The following HOXC6 variants were observed in gnomAD, a reference collection of about 807,000 sequenced individuals.
HOXC6 encodes the protein homeobox protein Hox-C6.
HOXC6 carries 10 observed loss-of-function variants against 24.0 expected under a neutral mutation model. The observed-to-expected ratio is 0.42, with a 90% CI of 0.26 to 0.71. HOXC6 has a LOEUF of 0.71. Among genes scored for constraint, HOXC6 ranks in the 30% least tolerant of loss-of-function variants. The pLI, the probability that HOXC6 is intolerant of heterozygous loss-of-function variation, is 0.28. For missense variants in HOXC6, 258 were observed against 303.4 expected, an observed-to-expected ratio of 0.85 and a Z score of 1.11; for synonymous variants, 123 against 128.1, an observed-to-expected ratio of 0.96 and a Z score of 0.27.
At chr12:54,024,210 C>A (rs541104824), upstream of HOXC6, among the ~76,000 whole-genome samples, 3 of 152,136 alleles carry the variant, frequency 2.0e-5, no homozygotes, top group South Asian at 6.2e-4. Context: ...GGCAACCGTT[C>A]TTCTCTTGCT....
At chr12:54,025,931 G>T (rs1163700798), upstream of HOXC6, among the ~76,000 whole-genome samples, 1 of 151,886 alleles carries the variant, frequency 6.6e-6, no homozygotes, top group East Asian at 1.9e-4. Flanking sequence ...TTCTTCCAAG[G>T]TCCTTCCCTC....
upstream of HOXC6, among the ~76,000 whole-genome samples, chr12:54,025,407 C>T (rs1314961396): frequency 1.3e-5 from 2 of 151,828 alleles, no homozygotes; most frequent in Non-Finnish European, 2.9e-5. Context: ...TAGGGAAGAT[C>T]GGGCTCATCT....
At chr12:54,029,608 G>A in intron 1 of HOXC6, 47 bp from the exon 2 acceptor site, 1 of 1,578,016 alleles carries the variant, frequency 6.3e-7, no homozygotes, top group Non-Finnish European at 8.6e-7. Flanking sequence ...GTCTGCAGAG[G>A]ACGCTTTGCT....
At chr12:54,022,408 T>G (rs1180944125) in intron 1 of HOXC6, 1 of 152,190 alleles carries the variant, frequency 6.6e-6, no homozygotes, top group African/African-American at 2.4e-5. Flanking sequence ...TAGAGTCAGA[T>G]AGTTGGCTTT....
At position 54,028,720 on chromosome 12, in the gene HOXC6, C is replaced by G. The variant is rs144307645; in HGVS notation, c.199C>G (p.Arg67Gly). ...PQENVVFSSS[R>G]GPYDYGSNSF... ...GGAGAATGTCGTGTTCAGTTCCAGCCGGGGGCCGTATGACTATGGATCTAA... is the reference window on the plus strand; with the variant it reads ...GGAGAATGTCGTGTTCAGTTCCAGCGGGGGGCCGTATGACTATGGATCTAA... Residue 67 changes from arginine to glycine, a missense_variant, in exon 1 of 2, where the codon CGG (arginine) becomes GGG (glycine). Arg to Gly is a moderately radical substitution (Grantham distance 125). Transcript: ENST00000243108. 1 of 1,614,132 alleles carries G rather than the reference C, an allele frequency of 6.2e-7. No individual in the cohort carries two copies. Among genetic ancestry groups the G allele is most frequent in the Admixed American group, 1.7e-5 (1 of 60,022 alleles).
chr12:54,025,136 G>A (rs754133), upstream of HOXC6, among the ~76,000 whole-genome samples: 44,592 of 151,988 alleles, frequency 0.29, 7,373 homozygotes, highest in East Asian at 0.44. Context: ...CTTTAGGCTC[G>A]TTTTATAGAA....
In HOXC6 at chr12:54,029,951, CAGAA is replaced by C. The variant is rs2136439860; in HGVS notation, c.701_704del (p.Lys234SerfsTer34). ...GCGGGAAGAGACAGAAGAGGAGAAG[CAGAA>C]AGAGTGACCAGGACTGTCCCTGCCA... On this transcript the variant is annotated frameshift_variant, in exon 2 of 2. Coordinates refer to ENST00000243108, the MANE Select transcript of HOXC6 (RefSeq NM_004503.4). LOFTEE classifies it high-confidence loss of function. 1.3e-6 allele frequency: 2 copies of C among 1,578,014 alleles called. No homozygotes were observed. The highest frequency in any genetic ancestry group is 1.7e-6 in the Non-Finnish European group (2 of 1,161,176).
chr12:54,021,144 G>A (rs1209502331), intron 1 of HOXC6: 1 of 152,552 alleles, frequency 6.6e-6, no homozygotes, highest in Non-Finnish European at 1.5e-5. Context: ...GAAAAGGCAA[G>A]CCAAAAGGGG....
intron 1 of HOXC6, chr12:54,020,606 T>C (rs1471634818): frequency 1.3e-5 from 2 of 152,164 alleles, no homozygotes; most frequent in Non-Finnish European, 2.9e-5. Flanking sequence ...GACTCATATT[T>C]CCTTGGTGGT....
Position 54,029,722 on chromosome 12 carries a change from G to A in HOXC6, c.468G>A (p.Leu156=), listed in dbSNP as rs958915325. The change falls in exon 2 of 2, where the codon CTG becomes CTA. Residue 156 remains leucine (L), a synonymous_variant. Transcript: ENST00000243108. ...QIYSRYQTLE[L]EKEFHFNRYL... ...ACTCGCGGTACCAGACCCTGGAACTGGAGAAGGAATTTCACTTCAATCGCT... is the reference window on the plus strand; with the variant it reads ...ACTCGCGGTACCAGACCCTGGAACTAGAGAAGGAATTTCACTTCAATCGCT... The A allele has an allele frequency of 1.2e-6, 2 of 1,614,216 alleles. No homozygotes were observed. The highest frequency in any genetic ancestry group is 1.1e-5 in the South Asian group (1 of 91,082).
Position 54,028,679 on chromosome 12 carries a change from C to T in HOXC6, c.158C>T (p.Pro53Leu), listed in dbSNP as rs781157605. ...GCCCAGAACCGGATCTACTCGACTCCCTTTTATTCGCCACAGGAGAATGTC... is the reference window on the plus strand; with the variant it reads ...GCCCAGAACCGGATCTACTCGACTCTCTTTTATTCGCCACAGGAGAATGTC... ...AVAQNRIYST[P>L]FYSPQENVVF... Residue 53 changes from proline to leucine, a missense_variant, in exon 1 of 2, where the codon CCC (proline) becomes CTC (leucine). Physicochemically the swap from Pro to Leu is moderately conservative, Grantham distance 98. Coordinates refer to ENST00000243108, the MANE Select transcript of HOXC6 (RefSeq NM_004503.4). 3 of 1,614,128 alleles carry T rather than the reference C, an allele frequency of 1.9e-6. No homozygotes were observed. Among genetic ancestry groups the T allele is most frequent in the South Asian group, 2.2e-5 (2 of 91,076 alleles).
intron 1 of HOXC6, chr12:54,021,102 G>C (rs1940414331): frequency 6.5e-6 from 1 of 152,736 alleles, no homozygotes; most frequent in African/African-American, 2.4e-5. Context: ...ATCTGGGGCA[G>C]CTGCTGGCCA....
chr12:54,026,521 G>A (rs968630744), upstream of HOXC6, among the ~76,000 whole-genome samples: 3 of 152,186 alleles, frequency 2.0e-5, no homozygotes, highest in African/African-American at 7.2e-5. Context: ...TCCTTGGGGA[G>A]AAGAAAGTGT....
upstream of HOXC6, among the ~76,000 whole-genome samples, chr12:54,028,147 G>A (rs1474808216): frequency 1.3e-5 from 2 of 152,016 alleles, no homozygotes; most frequent in Admixed American, 6.5e-5. Context: ...AGTTAGCTGG[G>A]GCTGAGAGAT....
At chr12:54,018,754 C>T (rs1940284225) in intron 1 of HOXC6, among the ~76,000 whole-genome samples, 1 of 152,182 alleles carries the variant, frequency 6.6e-6, no homozygotes, top group South Asian at 2.1e-4. Context: ...CAGACACACC[C>T]GGAGGCGTGG....
chr12:54,018,723 G>A (rs1478223710), intron 1 of HOXC6, among the ~76,000 whole-genome samples: 3 of 147,172 alleles, frequency 2.0e-5, no homozygotes, highest in African/African-American at 7.3e-5. Flanking sequence ...CGACGCACAC[G>A]CAAACGCCTA....
At chr12:54,024,387 G>T (rs968892188), upstream of HOXC6, among the ~76,000 whole-genome samples, 3 of 152,122 alleles carry the variant, frequency 2.0e-5, no homozygotes, top group African/African-American at 4.8e-5. Context: ...GTTGCAGCGC[G>T]GCAGTCAGGA....
chr12:54,018,612 C>T (rs951038933), intron 1 of HOXC6, among the ~76,000 whole-genome samples: 3 of 152,210 alleles, frequency 2.0e-5, no homozygotes, highest in African/African-American at 7.2e-5. Flanking sequence ...GTACGTGGCC[C>T]TGAATGTGTT....
At chr12:54,025,321 C>T (rs1425719702), upstream of HOXC6, among the ~76,000 whole-genome samples, 1 of 152,108 alleles carries the variant, frequency 6.6e-6, no homozygotes, top group Non-Finnish European at 1.5e-5. Context: ...TCCCAGCTTT[C>T]CCCCTATAGA....
Sources: allele counts gnomAD v4.1 joint callset (sites outside exome capture counted in the v4.1 genomes callset), GRCh38; gene constraint gnomAD v4.1.1; transcripts MANE v1.5; gene names NCBI Gene and HGNC (gene_info 2026-07-23, HGNC 2026-07-21).